Variants in HERC2 observed in about 807,000 individuals in gnomAD.
The protein encoded by HERC2 is E3 ubiquitin-protein ligase HERC2.
A neutral mutation model predicts 537.7 loss-of-function variants in HERC2; 102 were observed. The observed-to-expected ratio is 0.19, with a 90% CI of 0.16 to 0.22. HERC2 has a LOEUF of 0.22. Ranked by LOEUF, HERC2 falls within the 10% of genes least tolerant of loss-of-function variation. The probability of loss-of-function intolerance (pLI) is 1.00; values close to 1 mark genes in which losing one functional copy is unlikely to be tolerated. For missense variants in HERC2, 4,236 were observed against 6,198.2 expected (o/e 0.68, Z 10.63); for synonymous variants, 2,224 against 2,466.2 (o/e 0.90, Z 2.91).
intron 20 of HERC2, among the ~76,000 whole-genome samples, chr15:28,252,719 C>T (rs1371048862): frequency 1.3e-5 from 2 of 152,070 alleles, no homozygotes; most frequent in Admixed American, 6.6e-5. Flanking sequence ...TGGTTAAAGA[C>T]CAGAATGTAT....
chr15:28,318,739 C>T (rs1275991725), intron 2 of HERC2, among the ~76,000 whole-genome samples: 4 of 152,018 alleles, frequency 2.6e-5, no homozygotes, highest in Non-Finnish European at 5.9e-5. Context: ...CTAGGCCTGA[C>T]GTATCCAAAT....
chr15:28,188,854 A>G (rs990858619), intron 55 of HERC2, among the ~76,000 whole-genome samples: 1 of 152,128 alleles, frequency 6.6e-6, no homozygotes, highest in African/African-American at 2.4e-5. Flanking sequence ...TTGGGAGGCC[A>G]AGGTGGGCAG....
intron 20 of HERC2, among the ~76,000 whole-genome samples, chr15:28,253,904 G>C (rs2075167428): frequency 2.0e-5 from 3 of 152,212 alleles, no homozygotes. Flanking sequence ...AGAGGTTGCA[G>C]TGAGCCAAGA....
rs1484352327 is a variant in HERC2, at chr15:28,265,557, C to T, written c.1870+61G>A. On this transcript the variant is annotated intron_variant, in intron 14 of 92. Coordinates refer to ENST00000261609, the MANE Select transcript of HERC2 (RefSeq NM_004667.6). The surrounding 1 kb of genome is among the most constrained non-coding windows in gnomAD (Gnocchi z 4.0). ...GCCCACTGTACTCATCTCACTTCCT[C>T]CAGGGAAGCTGCCATGCGTGTCCTC... 5.0e-6 allele frequency: 7 copies of T among 1,407,112 alleles called. No individual in the cohort carries two copies. Among genetic ancestry groups the T allele is most frequent in the Non-Finnish European group, 7.0e-6 (7 of 996,296 alleles). 87.2% of individuals were successfully genotyped at this position (1,407,112 alleles called of 1,614,324 possible).
chr15:28,230,283 G>T, intron 31 of HERC2, 84 bp downstream of exon 31: 1 of 1,396,156 alleles, frequency 7.2e-7, no homozygotes, highest in East Asian at 2.3e-5. Flanking sequence ...CCTCCCTCCA[G>T]ATGCTCAGGA....
intron 59 of HERC2, among the ~76,000 whole-genome samples, 185 bp downstream of exon 59, chr15:28,178,702 G>A (rs1352330143): frequency 6.6e-6 from 1 of 152,160 alleles, no homozygotes; most frequent in Non-Finnish European, 1.5e-5. Context: ...CTACTTTTAG[G>A]CAAAGAACTT....
intron 52 of HERC2, among the ~76,000 whole-genome samples, chr15:28,195,532 C>T (rs986199739): frequency 6.6e-6 from 1 of 152,206 alleles, no homozygotes; most frequent in African/African-American, 2.4e-5. Flanking sequence ...CGTTCTGACA[C>T]ATGCTACAAT....
intron 65 of HERC2, among the ~76,000 whole-genome samples, chr15:28,170,701 A>G (rs1894608410): frequency 6.6e-6 from 1 of 152,202 alleles, no homozygotes; most frequent in Non-Finnish European, 1.5e-5. Context: ...CTATGAAAGG[A>G]AACGAAAAGA....
Position 28,270,751 on chromosome 15 carries a change from C to A in HERC2, c.1201G>T (p.Asp401Tyr), listed in dbSNP as rs2075703341. 6.2e-7 allele frequency: 1 copy of A among 1,613,816 alleles called. No homozygotes were observed. Among genetic ancestry groups the A allele is most frequent in the Non-Finnish European group, 8.5e-7 (1 of 1,179,866 alleles). The change falls in exon 10 of 93, where the codon GAC becomes TAC. Residue 401 changes from aspartate (D) to tyrosine (Y), a missense_variant. Physicochemically the swap from Asp to Tyr is radical, Grantham distance 160. This residue lies in a region of HERC2 where 491 missense variants were observed against 559.3 expected (regional missense o/e 0.88). Coordinates refer to ENST00000261609, the MANE Select transcript of HERC2 (RefSeq NM_004667.6). ...GGCATACAGGGCGTAGCCAGACGGT[C>A]TAAATGGGCCATGACAACAACCGCC... The part of the protein sequence containing the change: ...QTAVVVMAHL[D>Y]RLATPCMPPL...
At chr15:28,320,562 G>A (rs2077203594) in intron 2 of HERC2, 2 of 152,158 alleles carry the variant, frequency 1.3e-5, no homozygotes, top group Middle Eastern at 6.8e-3. Context: ...GACTTTTGAT[G>A]AACAGTCAAG....
In HERC2 at chr15:28,144,659, A is replaced by G. The variant is rs1367504776; in HGVS notation, c.11140+14T>C. 1.2e-6 allele frequency: 2 copies of G among 1,614,184 alleles called. No individual in the cohort carries two copies. The highest frequency in any genetic ancestry group is 4.5e-5 in the East Asian group (2 of 44,868). On this transcript the variant is annotated intron_variant, in intron 72 of 92. Transcript: ENST00000261609. ...CAGTCATCTAACCTTGATCGCCATA[A>G]GCCCCTTCCTTACCAGCAGCTGGCA...
intron 24 of HERC2, among the ~76,000 whole-genome samples, 157 bp from the exon 25 acceptor site, chr15:28,238,374 C>A (rs1205220226): frequency 6.6e-6 from 1 of 152,136 alleles, no homozygotes; most frequent in African/African-American, 2.4e-5. Flanking sequence ...TTGCCTGGGC[C>A]AACTCAGAAC....
chr15:28,271,140 C>G (rs1240319332), intron 9 of HERC2, among the ~76,000 whole-genome samples: 1 of 152,170 alleles, frequency 6.6e-6, no homozygotes, highest in Admixed American at 6.5e-5. Flanking sequence ...ACACAGATTA[C>G]TAACATGACC....
chr15:28,162,530 T>C (rs1893708126), intron 69 of HERC2, among the ~76,000 whole-genome samples: 1 of 152,044 alleles, frequency 6.6e-6, no homozygotes, highest in East Asian at 1.9e-4. Context: ...CTGTAAGACA[T>C]ATGATAGAAA....
At chr15:28,123,051 T>C (rs1391528730) in intron 85 of HERC2, among the ~76,000 whole-genome samples, 1 of 152,224 alleles carries the variant, frequency 6.6e-6, no homozygotes, top group Non-Finnish European at 1.5e-5. Context: ...TGAAATTATG[T>C]TTCCTATCCA....
At chr15:28,298,203 G>C (rs2076524032) in intron 3 of HERC2, among the ~76,000 whole-genome samples, 1 of 148,446 alleles carries the variant, frequency 6.7e-6, no homozygotes, top group African/African-American at 2.5e-5. Context: ...ACCCAGGCTG[G>C]AGTGCAGTAG....
intron 69 of HERC2, among the ~76,000 whole-genome samples, chr15:28,161,476 G>A (rs1893586521): frequency 6.6e-6 from 1 of 152,212 alleles, no homozygotes. Flanking sequence ...CATGGCTGCT[G>A]ATAAAGAAGA....
At chr15:28,314,219 G>GA (rs1396944142) in intron 2 of HERC2, among the ~76,000 whole-genome samples, 1,866 of 147,668 alleles carry the variant, frequency 0.013, no homozygotes, top group African/African-American at 0.044. Context: ...ATTGAAAAAT[G>GA]AAAAAAAAAA....
At chr15:28,124,961 G>A (rs777618888) in intron 84 of HERC2, 45 bp downstream of exon 84, 4 of 1,544,636 alleles carry the variant, frequency 2.6e-6, no homozygotes, top group Non-Finnish European at 3.5e-6. Context: ...TGTGACAGGA[G>A]CACACTTTGC....
Sources: gnomAD v4.1 joint callset for allele counts (sites outside exome capture counted in the v4.1 genomes callset) on GRCh38, gnomAD v4.1.1 for gene constraint, gnomAD v4.1.1 regional missense constraint, Gnocchi (gnomAD v3.1) non-coding constraint, MANE v1.5 for transcripts, NCBI Gene and HGNC (gene_info 2026-07-23, HGNC 2026-07-21) for gene names.